The following SCLT1 variants were observed in gnomAD, a reference collection of about 807,000 sequenced individuals.
SCLT1 encodes the protein sodium channel and clathrin linker 1, also known as sodium channel-associated protein 1.
In SCLT1, 78 loss-of-function variants were observed where a neutral mutation model predicts 112.8. That is an observed-to-expected ratio of 0.69 (90% CI 0.58 to 0.83). The LOEUF is 0.83. Ranked by LOEUF, SCLT1 falls within the 40% of genes least tolerant of loss-of-function variation. The probability of loss-of-function intolerance (pLI) is 0.00; values close to 1 mark genes in which losing one functional copy is unlikely to be tolerated. For synonymous variants in SCLT1, 257 were observed against 254.7 expected (o/e 1.01, Z -0.09); for missense variants, 747 against 770.4 (o/e 0.97, Z 0.36).
chr4:128,983,317 G>A (rs1470978939), intron 9 of SCLT1, among the ~76,000 whole-genome samples: 2 of 151,876 alleles, frequency 1.3e-5, no homozygotes, highest in Admixed American at 1.3e-4. Context: ...CATGAGAGTT[G>A]GAAAATAATT....
chr4:128,999,300 G>T (rs1579644216), intron 7 of SCLT1, among the ~76,000 whole-genome samples: 1 of 151,870 alleles, frequency 6.6e-6, no homozygotes. Flanking sequence ...ATTTGAGCAG[G>T]TTTCTTCACT....
At chr4:129,028,066 A>T (rs1405086012) in intron 5 of SCLT1, among the ~76,000 whole-genome samples, 1 of 152,230 alleles carries the variant, frequency 6.6e-6, no homozygotes, top group Non-Finnish European at 1.5e-5. Flanking sequence ...GCTCATGGGC[A>T]GGAAGAATCA....
At chr4:128,930,553 C>G (rs2167241) in intron 18 of SCLT1, among the ~76,000 whole-genome samples, 1 of 151,948 alleles carries the variant, frequency 6.6e-6, no homozygotes, top group African/African-American at 2.4e-5. Flanking sequence ...TCTAGAGTCA[C>G]GGAAGTGGGA....
intron 1 of SCLT1, among the ~76,000 whole-genome samples, chr4:129,086,786 T>C (rs534791737): frequency 8.6e-5 from 13 of 151,714 alleles, no homozygotes; most frequent in African/African-American, 3.1e-4. Flanking sequence ...GTAAAGAAAA[T>C]GAAGGGCTCA....
intron 9 of SCLT1, among the ~76,000 whole-genome samples, chr4:128,991,020 CTA>C (rs1349627806): frequency 6.6e-6 from 1 of 151,596 alleles, no homozygotes; most frequent in East Asian, 1.9e-4. Flanking sequence ...GCAATCAAAT[CTA>C]TAGATTAAAT....
intron 3 of SCLT1, among the ~76,000 whole-genome samples, chr4:128,878,402 A>T (rs1473052980): frequency 6.6e-6 from 1 of 152,174 alleles, no homozygotes; most frequent in Non-Finnish European, 1.5e-5. Flanking sequence ...AGTGTAAAAC[A>T]ATTTCTTTAT....
intron 18 of SCLT1, among the ~76,000 whole-genome samples, chr4:128,902,576 A>G (rs990203870): frequency 6.6e-6 from 1 of 152,202 alleles, no homozygotes; most frequent in Non-Finnish European, 1.5e-5. Flanking sequence ...GGTACTTGCC[A>G]TAAATGGAGC....
At chr4:128,888,811 T>C in intron 19 of SCLT1, 37 bp from the exon 20 acceptor site, 2 of 1,258,278 alleles carry the variant, frequency 1.6e-6, no homozygotes, top group South Asian at 1.2e-5. Context: ...TAGAAATCCA[T>C]ATGTGACATG....
In SCLT1 at chr4:128,959,595, C is replaced by G. The variant is rs780601090; in HGVS notation, c.1047+5G>C. The G allele has an allele frequency of 6.2e-7, 1 of 1,609,408 alleles. No homozygotes were observed. Among genetic ancestry groups the G allele is most frequent in the Non-Finnish European group, 8.5e-7 (1 of 1,176,886 alleles). On this transcript the variant is annotated splice_donor_5th_base_variant and intron_variant, in intron 12 of 20. Transcript: ENST00000281142. Reference sequence around the variant, plus strand: ...ATATCTAAACATATTTACTAGCTTTCTTACCTGACTTTTTTGAAGGTTAGC... The same window carrying G: ...ATATCTAAACATATTTACTAGCTTTGTTACCTGACTTTTTTGAAGGTTAGC...
At chr4:128,884,684 G>A in intron 20 of SCLT1, 145 bp from the exon 21 acceptor site, 2 of 610,504 alleles carry the variant, frequency 3.3e-6, no homozygotes, top group South Asian at 2.1e-5. Context: ...TCTTTTTGAG[G>A]CAATCTTGCT....
At chr4:129,009,244 G>A (rs966141641) in intron 5 of SCLT1, among the ~76,000 whole-genome samples, 1 of 152,076 alleles carries the variant, frequency 6.6e-6, no homozygotes, top group Non-Finnish European at 1.5e-5. Flanking sequence ...AGCCGGGCGC[G>A]GTGGCTCACG....
At chr4:128,967,845 T>C (rs1327466185) in intron 10 of SCLT1, among the ~76,000 whole-genome samples, 1 of 152,202 alleles carries the variant, frequency 6.6e-6, no homozygotes, top group Non-Finnish European at 1.5e-5. Flanking sequence ...AGAAGCTCTT[T>C]AGTTTAATTA....
intron 2 of SCLT1, among the ~76,000 whole-genome samples, chr4:129,076,229 A>T (rs1230810134): frequency 6.6e-6 from 1 of 152,158 alleles, no homozygotes; most frequent in Non-Finnish European, 1.5e-5. Flanking sequence ...CTGTCCCCAG[A>T]GCTTACCTAG....
intron 18 of SCLT1, among the ~76,000 whole-genome samples, chr4:128,908,081 T>C (rs536546248): frequency 6.6e-6 from 1 of 152,196 alleles, no homozygotes; most frequent in South Asian, 2.1e-4. Context: ...CAAAGGAAAA[T>C]TCCTTCAATG....
intron 8 of SCLT1, among the ~76,000 whole-genome samples, chr4:128,995,611 A>G (rs1261151411): frequency 1.3e-5 from 2 of 152,004 alleles, no homozygotes; most frequent in African/African-American, 4.8e-5. Flanking sequence ...AGCTGGCCAG[A>G]GATTCAGCAG....
chr4:128,999,815 C>A, intron 6 of SCLT1, 21 bp from the exon 7 acceptor site: 1 of 1,567,534 alleles, frequency 6.4e-7, no homozygotes, highest in Non-Finnish European at 8.7e-7. Flanking sequence ...AGTTTGATAA[C>A]TCATTAAATT....
rs191076935 is a variant in SCLT1, at chr4:128,953,742, T to C, written c.1147-902A>G. The stretch of plus-strand genomic sequence containing the variant: ...TGAACCTGGGAGGCAGAGCTTGCAG[T>C]GAGCCGAGATGGCGCCACTGCACTC... On this transcript the variant is annotated intron_variant, in intron 13 of 20. Transcript: ENST00000281142. 1.6e-3 allele frequency among the ~76,000 whole-genome samples: 240 copies of C among 147,552 alleles called. 2 individuals are homozygous for C. Among genetic ancestry groups the C allele is most frequent in the East Asian group, 0.013 (68 of 5,048 alleles).
chr4:129,012,943 C>T (rs72924143), intron 5 of SCLT1, among the ~76,000 whole-genome samples: 3,198 of 152,092 alleles, frequency 0.021, 85 homozygotes, highest in African/African-American at 0.061. Context: ...AGCATACCAA[C>T]GGGTTTTGCT....
chr4:128,925,959 A>T (rs1736263386), intron 18 of SCLT1, among the ~76,000 whole-genome samples: 1 of 151,546 alleles, frequency 6.6e-6, no homozygotes, highest in African/African-American at 2.4e-5. Context: ...CCTTTAAATC[A>T]CTAAGAATAT....
Sources: allele counts gnomAD v4.1 joint callset (sites outside exome capture counted in the v4.1 genomes callset), GRCh38; gene constraint gnomAD v4.1.1; transcripts MANE v1.5; gene names NCBI Gene and HGNC (gene_info 2026-07-23, HGNC 2026-07-21).